Variants in HIBADH observed in about 807,000 individuals in gnomAD.
The protein encoded by HIBADH is 3-hydroxyisobutyrate dehydrogenase, mitochondrial.
In HIBADH, 25 loss-of-function variants were observed where a neutral mutation model predicts 36.1. The ratio of observed to expected loss-of-function variants is 0.69; its 90% CI spans 0.50 to 0.97. The LOEUF (loss-of-function observed/expected upper bound fraction) is 0.97. Ranked by LOEUF, HIBADH falls within the 50% of genes least tolerant of loss-of-function variation. The pLI, the probability that HIBADH is intolerant of heterozygous loss-of-function variation, is 0.00. For synonymous variants in HIBADH, 160 were observed against 149.5 expected (o/e 1.07, Z -0.51); for missense variants, 421 against 418.0 (o/e 1.01, Z -0.06).
intron 4 of HIBADH, among the ~76,000 whole-genome samples, chr7:27,558,882 G>T (rs1048127653): frequency 6.6e-6 from 1 of 152,142 alleles, no homozygotes; most frequent in African/African-American, 2.4e-5. Flanking sequence ...CTATCCAGCA[G>T]AATATTTTCA....
At position 27,645,368 on chromosome 7, in the gene HIBADH, A is replaced by ATGTTTTTTTTTTTTTTTTTTTTTTTTTTT. The variant is rs1554300959; in HGVS notation, c.252+4104_252+4105insAAAAAAAAAAAAAAAAAAAAAAAAAAACA. 1.5e-4 allele frequency among the ~76,000 whole-genome samples: 9 copies of ATGTTTTTTTTTTTTTTTTTTTTTTTTTTT among 59,652 alleles called. 3 individuals are homozygous for ATGTTTTTTTTTTTTTTTTTTTTTTTTTTT. The highest frequency in any genetic ancestry group is 2.2e-4 in the Non-Finnish European group (7 of 31,796). 39.1% of individuals were successfully genotyped at this position (59,652 alleles called of 152,430 possible). A position where few individuals can be genotyped will look rare whatever the true frequency, so the allele number is the denominator to read the frequency against. ...CTAGTGGGTGTGTCTCATGGTTTTGATTTTTTTTTTTTTTTTTTTTTTTTT... is the reference window on the plus strand; with the variant it reads ...CTAGTGGGTGTGTCTCATGGTTTTGATGTTTTTTTTTTTTTTTTTTTTTTTTTTTTTTTTTTTTTTTTTTTTTTTTTTTT... On this transcript the variant is annotated intron_variant, in intron 2 of 7. Coordinates refer to ENST00000265395, the MANE Select transcript of HIBADH (RefSeq NM_152740.4).
chr7:27,585,050 C>T lies in HIBADH; in HGVS notation c.485-41950G>A, dbSNP rs573740766. On this transcript the variant is annotated intron_variant, in intron 4 of 7. Coordinates refer to ENST00000265395, the MANE Select transcript of HIBADH (RefSeq NM_152740.4). Reference sequence around the variant, plus strand: ...GGGATAAATTCTTAAAGTGGAATTACTTGGTAAATTATATATATTTGTAAA... The same window carrying T: ...GGGATAAATTCTTAAAGTGGAATTATTTGGTAAATTATATATATTTGTAAA... Among the ~76,000 whole-genome samples, 11 of 151,938 alleles carry T rather than the reference C, an allele frequency of 7.2e-5. 1 individual carries two copies. Among genetic ancestry groups the T allele is most frequent in the Admixed American group, 6.6e-4 (10 of 15,258 alleles).
intron 2 of HIBADH, among the ~76,000 whole-genome samples, chr7:27,635,004 G>A (rs1473925153): frequency 6.6e-6 from 1 of 152,106 alleles, no homozygotes; most frequent in Non-Finnish European, 1.5e-5. Context: ...AGTAGTGATA[G>A]CTGGAATGTC....
intron 4 of HIBADH, among the ~76,000 whole-genome samples, chr7:27,556,331 A>AT (rs754715178): frequency 3.2e-4 from 48 of 152,052 alleles, no homozygotes; most frequent in Non-Finnish European, 5.6e-4. Context: ...TTAATTATAG[A>AT]TTTTATGTCT....
At chr7:27,597,086 C>A (rs1785045115) in intron 4 of HIBADH, among the ~76,000 whole-genome samples, 1 of 151,216 alleles carries the variant, frequency 6.6e-6, no homozygotes, top group Non-Finnish European at 1.5e-5. Flanking sequence ...AAAAAATAAG[C>A]AAAGAAAATA....
intron 2 of HIBADH, among the ~76,000 whole-genome samples, chr7:27,642,917 C>G (rs1785988864): frequency 6.6e-6 from 1 of 152,166 alleles, no homozygotes; most frequent in South Asian, 2.1e-4. Flanking sequence ...TCCCAAAGTG[C>G]TGGGATTACA....
At chr7:27,564,984 T>G (rs1289937455) in intron 4 of HIBADH, among the ~76,000 whole-genome samples, 1 of 152,210 alleles carries the variant, frequency 6.6e-6, no homozygotes, top group Non-Finnish European at 1.5e-5. Context: ...CTGGAGAGAC[T>G]ACCCCTCCCA....
chr7:27,560,278 CGCCT>C (rs1562621489), intron 4 of HIBADH, among the ~76,000 whole-genome samples: 3 of 152,308 alleles, frequency 2.0e-5, no homozygotes, highest in Middle Eastern at 6.8e-3. Flanking sequence ...TGCACCACCA[CGCCT>C]AATTTTTTGT....
chr7:27,570,732 T>C (rs1167448042), intron 4 of HIBADH, among the ~76,000 whole-genome samples: 1 of 152,100 alleles, frequency 6.6e-6, no homozygotes, highest in Admixed American at 6.6e-5. Flanking sequence ...AAAAAGAAAG[T>C]ATGGTATCAG....
intron 4 of HIBADH, among the ~76,000 whole-genome samples, chr7:27,620,708 T>A (rs1288338695): frequency 6.6e-6 from 1 of 151,772 alleles, no homozygotes; most frequent in Admixed American, 6.6e-5. Context: ...CACATGAAAG[T>A]ATAAAACTCA....
chr7:27,593,450 A>T (rs1367418693), intron 4 of HIBADH, among the ~76,000 whole-genome samples: 2 of 152,192 alleles, frequency 1.3e-5, no homozygotes. Context: ...GACTCATACT[A>T]GAAACATAAT....
In HIBADH at chr7:27,580,341, G is replaced by A. The variant is rs113357657; in HGVS notation, c.485-37241C>T. ...ATTCACTTGTGAAACTGCCACCAGA[G>A]AAATTCATTTGAAAAGCAAAGCTTA... is the stretch of plus-strand genomic sequence containing the variant. On this transcript the variant is annotated intron_variant, in intron 4 of 7. Coordinates refer to ENST00000265395, the MANE Select transcript of HIBADH (RefSeq NM_152740.4). Among the ~76,000 whole-genome samples, 379 of 152,210 alleles carry A rather than the reference G, an allele frequency of 2.5e-3. 5 individuals are homozygous for A. Among genetic ancestry groups the A allele is most frequent in the African/African-American group, 8.9e-3 (368 of 41,540 alleles).
At chr7:27,551,227 G>T (rs531469176) in intron 4 of HIBADH, among the ~76,000 whole-genome samples, 1 of 152,132 alleles carries the variant, frequency 6.6e-6, no homozygotes, top group Non-Finnish European at 1.5e-5. Flanking sequence ...GTACATGTAT[G>T]AGGACATTAT....
intron 4 of HIBADH, among the ~76,000 whole-genome samples, chr7:27,552,022 A>T (rs1469405928): frequency 2.0e-5 from 3 of 152,230 alleles, no homozygotes; most frequent in African/African-American, 7.2e-5. Context: ...GAAAAAGGCG[A>T]CAGCTGGGAC....
At chr7:27,617,138 C>T (rs1785446276) in intron 4 of HIBADH, among the ~76,000 whole-genome samples, 1 of 152,084 alleles carries the variant, frequency 6.6e-6, no homozygotes, top group Admixed American at 6.6e-5. Context: ...TGGTAAGTGG[C>T]CCTATACAGG....
At chr7:27,643,257 C>A (rs1381656309) in intron 2 of HIBADH, among the ~76,000 whole-genome samples, 1 of 152,120 alleles carries the variant, frequency 6.6e-6, no homozygotes, top group Admixed American at 6.5e-5. Flanking sequence ...GTAGCCTTAA[C>A]CCATAGTGAT....
chr7:27,655,211 T>TA (rs1786276394), intron 1 of HIBADH, among the ~76,000 whole-genome samples: 1 of 151,902 alleles, frequency 6.6e-6, no homozygotes, highest in Non-Finnish European at 1.5e-5. Context: ...ATCCTGACTT[T>TA]AAAAAAAAGC....
intron 2 of HIBADH, among the ~76,000 whole-genome samples, chr7:27,646,219 G>C (rs889158329): frequency 6.6e-6 from 1 of 152,166 alleles, no homozygotes; most frequent in African/African-American, 2.4e-5. Context: ...TCAGTGGCTT[G>C]ACTGATCTAG....
chr7:27,652,667 G>A (rs747086709), intron 1 of HIBADH, among the ~76,000 whole-genome samples: 17 of 152,268 alleles, frequency 1.1e-4, no homozygotes, highest in Non-Finnish European at 2.1e-4. Flanking sequence ...CCACTTCCTC[G>A]TTTGCTGATG....
Sources: allele counts gnomAD v4.1 joint callset (sites outside exome capture counted in the v4.1 genomes callset), GRCh38; gene constraint gnomAD v4.1.1; transcripts MANE v1.5; gene names NCBI Gene and HGNC (gene_info 2026-07-23, HGNC 2026-07-21).